Variants in CACNB2 observed in about 807,000 individuals in gnomAD.
CACNB2 encodes voltage-dependent L-type calcium channel subunit beta-2.
In CACNB2, 42 loss-of-function variants were observed where a neutral mutation model predicts 73.3. The ratio of observed to expected loss-of-function variants is 0.57; its 90% CI spans 0.45 to 0.74. The LOEUF (loss-of-function observed/expected upper bound fraction) is 0.74. Ranked by LOEUF, CACNB2 falls within the 30% of genes least tolerant of loss-of-function variation. The probability of loss-of-function intolerance (pLI) is 0.00; values close to 1 mark genes in which losing one functional copy is unlikely to be tolerated. For missense variants in CACNB2, 940 were observed against 853.0 expected (o/e 1.10, Z -1.27); for synonymous variants, 348 against 310.3 (o/e 1.12, Z -1.28).
At chr10:18,505,688 T>A (rs901047704) in intron 5 of CACNB2, among the ~76,000 whole-genome samples, 2 of 152,064 alleles carry the variant, frequency 1.3e-5, no homozygotes, top group African/African-American at 2.4e-5. Context: ...GAGAGAGGGG[T>A]CATTCGGTAA....
At chr10:18,529,157 A>G (rs2052753697) in intron 10 of CACNB2, among the ~76,000 whole-genome samples, 1 of 152,364 alleles carries the variant, frequency 6.6e-6, no homozygotes, top group Non-Finnish European at 1.5e-5. Context: ...CTTATTTCAT[A>G]AATTAAACTG....
intron 3 of CACNB2, among the ~76,000 whole-genome samples, chr10:18,405,777 G>A (rs895582938): frequency 1.3e-5 from 2 of 152,140 alleles, no homozygotes; most frequent in African/African-American, 4.8e-5. Context: ...GGGCAACATG[G>A]TGAAACGCTG....
intron 10 of CACNB2, among the ~76,000 whole-genome samples, chr10:18,530,893 C>T (rs56386348): frequency 0.19 from 28,602 of 152,102 alleles, 2,929 homozygotes; most frequent in South Asian, 0.28. Context: ...GAAGCGATGA[C>T]GCTTCACTTC....
chr10:18,364,455 C>G (rs2042268586), intron 2 of CACNB2, among the ~76,000 whole-genome samples: 1 of 151,930 alleles, frequency 6.6e-6, no homozygotes, highest in Non-Finnish European at 1.5e-5. Flanking sequence ...CACGCAACAC[C>G]ACGCCTGGCT....
intron 2 of CACNB2, among the ~76,000 whole-genome samples, chr10:18,154,869 G>A (rs1408170824): frequency 6.6e-6 from 1 of 152,154 alleles, no homozygotes; most frequent in Non-Finnish European, 1.5e-5. Context: ...AAGCTAAGGC[G>A]AGAGAGGCCT....
At chr10:18,233,432 C>G (rs2036299793) in intron 2 of CACNB2, among the ~76,000 whole-genome samples, 1 of 150,716 alleles carries the variant, frequency 6.6e-6, no homozygotes, top group Non-Finnish European at 1.5e-5. Flanking sequence ...GAGCTAGTCT[C>G]TAGTGGAAAC....
chr10:18,382,766 C>T (rs919709744), intron 2 of CACNB2, among the ~76,000 whole-genome samples: 5 of 152,266 alleles, frequency 3.3e-5, no homozygotes, highest in Admixed American at 3.3e-4. Context: ...ATATGTACCA[C>T]CTTTTCTTTA....
chr10:18,519,757 C>T lies in CACNB2; in HGVS notation c.944+789C>T, dbSNP rs563214630. The stretch of plus-strand genomic sequence containing the variant: ...GAATTGAGTGTACTGGCTTTCCTTC[C>T]ACTTTCTTCAGCCTACCCCAGTTAT... On this transcript the variant is annotated intron_variant, in intron 9 of 13. Coordinates refer to ENST00000324631, the MANE Select transcript of CACNB2 (RefSeq NM_201596.3). 4.4e-3 allele frequency: 2,008 copies of T among 455,918 alleles called. 47 individuals carry two copies. Among genetic ancestry groups the T allele is most frequent in the South Asian group, 0.03 (1,935 of 64,460 alleles). The allele number at this position is 455,918 out of a possible 1,614,324, so 28.2% of individuals were successfully genotyped here.
intron 6 of CACNB2, among the ~76,000 whole-genome samples, chr10:18,507,094 C>A (rs1463310100): frequency 3.3e-5 from 5 of 152,156 alleles, no homozygotes; most frequent in Non-Finnish European, 5.9e-5. Flanking sequence ...CCACTGCACC[C>A]AGCCATATTA....
intron 2 of CACNB2, among the ~76,000 whole-genome samples, chr10:18,308,004 T>TTTTTTTTTTTTTTTTTTTTTTTTTG: frequency 7.2e-6 from 1 of 138,038 alleles, no homozygotes; most frequent in Non-Finnish European, 1.6e-5. Context: ...TTTTTTTTTT[T>TTTTTTTTTTTTTTTTTTTTTTTTTG]TTTTTTGAGG....
At chr10:18,163,252 G>A (rs1003844091) in intron 2 of CACNB2, among the ~76,000 whole-genome samples, 5 of 152,162 alleles carry the variant, frequency 3.3e-5, no homozygotes, top group South Asian at 4.1e-4. Flanking sequence ...TAGTATCCCC[G>A]TTTAACAGAT....
chr10:18,250,661 G>A (rs1362152733), intron 2 of CACNB2, among the ~76,000 whole-genome samples: 3 of 151,940 alleles, frequency 2.0e-5, no homozygotes, highest in Non-Finnish European at 4.4e-5. Flanking sequence ...AGATACTTAC[G>A]ACCACTGTAC....
intron 2 of CACNB2, among the ~76,000 whole-genome samples, chr10:18,204,411 G>T (rs763959760): frequency 2.6e-5 from 4 of 152,232 alleles, no homozygotes; most frequent in Non-Finnish European, 4.4e-5. Context: ...TTGTAGATGT[G>T]AATTGTGCCT....
intron 2 of CACNB2, among the ~76,000 whole-genome samples, chr10:18,286,326 C>T (rs998059335): frequency 2.9e-4 from 44 of 151,960 alleles, no homozygotes; most frequent in Non-Finnish European, 1.8e-4. Context: ...ACCATCCTGG[C>T]TAACACGGTG....
chr10:18,195,324 A>G (rs1042322031), intron 2 of CACNB2, among the ~76,000 whole-genome samples: 1 of 152,164 alleles, frequency 6.6e-6, no homozygotes, highest in East Asian at 1.9e-4. Context: ...CTATATTCTC[A>G]TACCAGTTGA....
At chr10:18,208,947 C>T (rs902686157) in intron 2 of CACNB2, among the ~76,000 whole-genome samples, 1 of 152,182 alleles carries the variant, frequency 6.6e-6, no homozygotes, top group African/African-American at 2.4e-5. Flanking sequence ...CTCTGGAGCA[C>T]ATCATCGTTG....
In CACNB2 at chr10:18,534,097, A is replaced by G. The variant is rs148674271; in HGVS notation, c.1076A>G (p.Glu359Gly). Residue 359 changes from glutamate to glycine, a missense_variant, in exon 11 of 14, where the codon GAA (glutamate) becomes GGA (glycine). Physicochemically the swap from Glu to Gly is moderately conservative, Grantham distance 98. Coordinates refer to ENST00000324631, the MANE Select transcript of CACNB2 (RefSeq NM_201596.3). ...ACAGCGGAAGTTCAGAGTGAAATCG[A>G]AAGGATTTTTGAACTTGCAAGAACA... is the stretch of plus-strand genomic sequence containing the variant. ...SSLAEVQSEI[E>G]RIFELARTLQ... 17 of 1,614,098 alleles carry G rather than the reference A, an allele frequency of 1.1e-5. No homozygotes were observed. The African/African-American group carries it at 1.7e-4, about 16-fold the overall frequency.
At position 18,442,960 on chromosome 10, in the gene CACNB2, A is replaced by G. The variant is rs1224980952; in HGVS notation, c.333+40917A>G. On this transcript the variant is annotated intron_variant, in intron 3 of 13. Coordinates refer to ENST00000324631, the MANE Select transcript of CACNB2 (RefSeq NM_201596.3). ...TATATATGTGTATATATATATATGT[A>G]TATATATATGTGTATATATATATAT... Among the ~76,000 whole-genome samples, 4 of 30,780 alleles carry G rather than the reference A, an allele frequency of 1.3e-4. 1 individual carries two copies. Among genetic ancestry groups the G allele is most frequent in the Non-Finnish European group, 1.9e-4 (4 of 21,492 alleles). 20.2% of individuals were successfully genotyped at this position (30,780 alleles called of 152,430 possible). A position where few individuals can be genotyped will look rare whatever the true frequency, so the allele number is the denominator to read the frequency against.
At chr10:18,352,478 A>G (rs78737394) in intron 2 of CACNB2, among the ~76,000 whole-genome samples, 1 of 152,210 alleles carries the variant, frequency 6.6e-6, no homozygotes, top group Admixed American at 6.5e-5. Flanking sequence ...GAAAGAAAAG[A>G]GAAACCAGGA....
Sources: gnomAD v4.1 joint callset for allele counts (sites outside exome capture counted in the v4.1 genomes callset) on GRCh38, gnomAD v4.1.1 for gene constraint, MANE v1.5 for transcripts, NCBI Gene and HGNC (gene_info 2026-07-23, HGNC 2026-07-21) for gene names.